ZFPM2: variants seen among roughly 807,000 people sequenced by gnomAD.
ZFPM2 encodes the protein zinc finger protein ZFPM2.
In ZFPM2, 20 loss-of-function variants were observed where a neutral mutation model predicts 98.6. The observed-to-expected ratio is 0.20, with a 90% CI of 0.14 to 0.29. The LOEUF is 0.29. ZFPM2 is among the 10% of genes least tolerant of loss of function. The probability of loss-of-function intolerance (pLI) is 1.00; values close to 1 mark genes in which losing one functional copy is unlikely to be tolerated. For missense variants in ZFPM2, 1,310 were observed against 1,388.6 expected (o/e 0.94, Z 0.90); for synonymous variants, 518 against 502.7 (o/e 1.03, Z -0.41).
chr8:105,727,035 A>G (rs1331667829), intron 5 of ZFPM2, among the ~76,000 whole-genome samples: 2 of 151,800 alleles, frequency 1.3e-5, no homozygotes, highest in Admixed American at 6.6e-5. Flanking sequence ...ATGCCAGGCT[A>G]AGGTGGAGAT....
intron 5 of ZFPM2, among the ~76,000 whole-genome samples, chr8:105,703,625 G>A (rs1268409079): frequency 6.6e-6 from 1 of 152,136 alleles, no homozygotes; most frequent in Admixed American, 6.5e-5. Flanking sequence ...ACTGTGCTCA[G>A]GTGAGGCTGG....
chr8:105,499,075 C>G (rs189332519), intron 3 of ZFPM2, among the ~76,000 whole-genome samples: 5 of 152,088 alleles, frequency 3.3e-5, no homozygotes, highest in African/African-American at 1.2e-4. Flanking sequence ...CATAGTTTGC[C>G]TCAGCCTCTT....
At chr8:105,545,863 G>A (rs547946516) in intron 3 of ZFPM2, among the ~76,000 whole-genome samples, 23 of 152,148 alleles carry the variant, frequency 1.5e-4, no homozygotes, top group African/African-American at 5.1e-4. Flanking sequence ...TAATGCATAA[G>A]TGCATTCCTT....
intron 3 of ZFPM2, among the ~76,000 whole-genome samples, chr8:105,472,254 C>A (rs1812919323): frequency 1.3e-5 from 2 of 152,120 alleles, no homozygotes; most frequent in Non-Finnish European, 2.9e-5. Flanking sequence ...ATGGTACTAC[C>A]AAGTTAAAAC....
intron 1 of ZFPM2, among the ~76,000 whole-genome samples, chr8:105,360,054 G>C (rs1270929925): frequency 6.6e-6 from 1 of 152,190 alleles, no homozygotes; most frequent in Non-Finnish European, 1.5e-5. Flanking sequence ...TGGCACTTAG[G>C]TTGGTTTCAT....
At chr8:105,582,455 T>C (rs1815621970) in intron 4 of ZFPM2, among the ~76,000 whole-genome samples, 2 of 152,170 alleles carry the variant, frequency 1.3e-5, no homozygotes, top group African/African-American at 2.4e-5. Flanking sequence ...GAGTGGTTAC[T>C]AAAATCCTGC....
chr8:105,526,708 C>T (rs1191407588), intron 3 of ZFPM2, among the ~76,000 whole-genome samples: 1 of 152,056 alleles, frequency 6.6e-6, no homozygotes, highest in African/African-American at 2.4e-5. Flanking sequence ...TTGGGGGTAT[C>T]AAATATTTAT....
chr8:105,584,775 T>TTTGA (rs1815676987), intron 4 of ZFPM2, among the ~76,000 whole-genome samples: 1 of 152,128 alleles, frequency 6.6e-6, no homozygotes, highest in South Asian at 2.1e-4. Flanking sequence ...ATATGAGGTA[T>TTTGA]CTGACAGTGG....
At chr8:105,588,512 T>A (rs1296776470) in intron 4 of ZFPM2, among the ~76,000 whole-genome samples, 1 of 152,204 alleles carries the variant, frequency 6.6e-6, no homozygotes, top group Non-Finnish European at 1.5e-5. Context: ...AAACACTTCG[T>A]TACATAAGAT....
chr8:105,517,990 A>G (rs542546886), intron 3 of ZFPM2, among the ~76,000 whole-genome samples: 3 of 152,234 alleles, frequency 2.0e-5, no homozygotes, highest in Non-Finnish European at 4.4e-5. Flanking sequence ...GAGCTGGCCA[A>G]TGTTTACTCT....
At chr8:105,391,901 G>C (rs1465505564) in intron 1 of ZFPM2, among the ~76,000 whole-genome samples, 1 of 152,146 alleles carries the variant, frequency 6.6e-6, no homozygotes, top group Non-Finnish European at 1.5e-5. Context: ...TTCCTCCCAT[G>C]AATCATGAAT....
intron 1 of ZFPM2, among the ~76,000 whole-genome samples, chr8:105,342,262 A>G (rs1343312378): frequency 2.6e-5 from 4 of 152,064 alleles, no homozygotes; most frequent in Non-Finnish European, 5.9e-5. Context: ...GAGAAAGTCA[A>G]GTTGATGAGC....
At chr8:105,762,540 G>T (rs1812754944) in intron 5 of ZFPM2, among the ~76,000 whole-genome samples, 1 of 151,976 alleles carries the variant, frequency 6.6e-6, no homozygotes, top group South Asian at 2.1e-4. Flanking sequence ...CAATGCCAGT[G>T]TAACAGATGG....
intron 4 of ZFPM2, among the ~76,000 whole-genome samples, chr8:105,627,097 G>A (rs1231104296): frequency 6.6e-6 from 1 of 152,036 alleles, no homozygotes; most frequent in Non-Finnish European, 1.5e-5. Context: ...TCTTGGGTTA[G>A]TCCTCTATTA....
At chr8:105,364,016 AGGAAGAT>A in intron 1 of ZFPM2, among the ~76,000 whole-genome samples, 1 of 152,104 alleles carries the variant, frequency 6.6e-6, no homozygotes, top group African/African-American at 2.4e-5. Context: ...GAGAAAGAAG[AGGAAGAT>A]GTGTTGTAGA....
At chr8:105,346,128 G>A (rs1488349696) in intron 1 of ZFPM2, among the ~76,000 whole-genome samples, 6 of 152,128 alleles carry the variant, frequency 3.9e-5, no homozygotes, top group African/African-American at 1.4e-4. Context: ...GCTCACACCT[G>A]TAATTCCAGC....
chr8:105,427,726 T>C (rs1187933584), intron 2 of ZFPM2, among the ~76,000 whole-genome samples: 1 of 152,204 alleles, frequency 6.6e-6, no homozygotes, highest in Non-Finnish European at 1.5e-5. Context: ...CACTTTTTGT[T>C]GTCCTTAAAA....
chr8:105,507,830 A>G (rs537821672), intron 3 of ZFPM2, among the ~76,000 whole-genome samples: 5 of 152,188 alleles, frequency 3.3e-5, no homozygotes, highest in Non-Finnish European at 7.4e-5. Context: ...ACTGCCCTAT[A>G]TAATCAGAAA....
In ZFPM2 at chr8:105,795,101, A is replaced by T. The variant is rs558425905; in HGVS notation, c.740-3623A>T. On this transcript the variant is annotated intron_variant, in intron 6 of 7. Transcript: ENST00000407775. ...GCGCTGCACCCACTGACCTGCGCCC[A>T]CTGTCTGGCACTCCCTAGTGAGATG... Among the ~76,000 whole-genome samples, 15 of 152,240 alleles carry T rather than the reference A, an allele frequency of 9.9e-5. No homozygotes were observed. In the South Asian group the frequency reaches 2.9e-3, roughly 30 times the overall value.
Sources: allele counts gnomAD v4.1 joint callset (sites outside exome capture counted in the v4.1 genomes callset), GRCh38; gene constraint gnomAD v4.1.1; transcripts MANE v1.5; gene names NCBI Gene and HGNC (gene_info 2026-07-23, HGNC 2026-07-21).